THSD7B: variants seen among roughly 807,000 people sequenced by gnomAD.
The protein encoded by THSD7B is thrombospondin type 1 domain containing 7B.
In THSD7B, 138 loss-of-function variants were observed where a neutral mutation model predicts 213.6. The ratio of observed to expected loss-of-function variants is 0.65; its 90% confidence interval spans 0.56 to 0.74. The LOEUF is 0.74. THSD7B is among the 30% of genes least tolerant of loss of function. The pLI, the probability that THSD7B is intolerant of heterozygous loss-of-function variation, is 0.00. For synonymous variants in THSD7B, 742 were observed against 687.0 expected, an observed-to-expected ratio of 1.08 and a Z score of -1.25; for missense variants, 1,931 against 1,991.5, an observed-to-expected ratio of 0.97 and a Z score of 0.58.
At chr2:137,286,884 G>T (rs1413301615) in intron 12 of THSD7B, among the ~76,000 whole-genome samples, 1 of 152,118 alleles carries the variant, frequency 6.6e-6, no homozygotes, top group Non-Finnish European at 1.5e-5. Context: ...TTCTAAGAGG[G>T]CAAAGCCATT....
intron 2 of THSD7B, among the ~76,000 whole-genome samples, chr2:136,895,894 A>G (rs1030924382): frequency 6.6e-6 from 1 of 152,186 alleles, no homozygotes; most frequent in African/African-American, 2.4e-5. Flanking sequence ...CTTCTTTCAT[A>G]TCACATAATG....
At chr2:137,527,807 G>A (rs1477997629) in intron 15 of THSD7B, among the ~76,000 whole-genome samples, 1 of 152,036 alleles carries the variant, frequency 6.6e-6, no homozygotes, top group Admixed American at 6.6e-5. Flanking sequence ...GAATTTTGGA[G>A]GATATTAGGA....
intron 9 of THSD7B, among the ~76,000 whole-genome samples, chr2:137,235,646 G>GA (rs534226546): frequency 2.6e-5 from 4 of 152,002 alleles, no homozygotes; most frequent in Admixed American, 6.6e-5. Flanking sequence ...GAGGATTTGA[G>GA]AAAAAAATCA....
intron 7 of THSD7B, among the ~76,000 whole-genome samples, chr2:137,188,815 T>A (rs1308450342): frequency 1.3e-5 from 2 of 152,170 alleles, no homozygotes; most frequent in Non-Finnish European, 2.9e-5. Flanking sequence ...CCTGGGCACT[T>A]TAAGATATGT....
intron 7 of THSD7B, among the ~76,000 whole-genome samples, chr2:137,190,827 T>G (rs1439404453): frequency 6.6e-6 from 1 of 152,142 alleles, no homozygotes; most frequent in African/African-American, 2.4e-5. Context: ...TGTGGAGAGT[T>G]GATGGGGTGT....
At chr2:136,803,295 A>G (rs535356265) in intron 1 of THSD7B, among the ~76,000 whole-genome samples, 9 of 152,270 alleles carry the variant, frequency 5.9e-5, no homozygotes, top group African/African-American at 2.2e-4. Context: ...GAACCCCAAT[A>G]TAACTATTGT....
chr2:137,448,611 C>T (rs1433062296), intron 14 of THSD7B, among the ~76,000 whole-genome samples: 3 of 151,924 alleles, frequency 2.0e-5, no homozygotes, highest in African/African-American at 7.3e-5. Context: ...AGATTGACAC[C>T]ACGGTGAAAC....
chr2:137,160,110 A>G lies in THSD7B; in HGVS notation c.1370-103A>G, dbSNP rs191936094. 4 of 1,285,726 alleles carry G rather than the reference A, an allele frequency of 3.1e-6. No individual in the cohort carries two copies. In the East Asian group the frequency reaches 9.8e-5, roughly 31 times the overall value. 79.6% of individuals were successfully genotyped at this position (1,285,726 alleles called of 1,614,324 possible). On this transcript the variant is annotated intron_variant, in intron 5 of 27. Transcript: ENST00000409968. ...GTTTTCTTTGCATATGTTCTTTTTA[A>G]CTATAATGTTTTATTTGCAAGACAG...
chr2:137,324,420 A>T (rs1227627343), intron 12 of THSD7B, among the ~76,000 whole-genome samples: 2 of 152,078 alleles, frequency 1.3e-5, no homozygotes, highest in Admixed American at 6.6e-5. Flanking sequence ...GCCAATAATT[A>T]ATGACATTCA....
At chr2:137,222,565 C>T (rs1275021574) in intron 7 of THSD7B, among the ~76,000 whole-genome samples, 1 of 152,136 alleles carries the variant, frequency 6.6e-6, no homozygotes, top group Non-Finnish European at 1.5e-5. Flanking sequence ...TTGCAGTCTG[C>T]TTTTTTCCTG....
At chr2:137,550,596 T>A (rs904052133) in intron 15 of THSD7B, among the ~76,000 whole-genome samples, 1 of 152,076 alleles carries the variant, frequency 6.6e-6, no homozygotes, top group Non-Finnish European at 1.5e-5. Flanking sequence ...AAATATGTTG[T>A]GTAGTGGGAA....
chr2:137,468,827 G>C (rs189718776), intron 15 of THSD7B, among the ~76,000 whole-genome samples: 1 of 152,192 alleles, frequency 6.6e-6, no homozygotes, highest in East Asian at 1.9e-4. Context: ...ACATCAGTCA[G>C]AGCTAGAAAC....
intron 7 of THSD7B, among the ~76,000 whole-genome samples, chr2:137,227,517 C>T (rs1304792342): frequency 6.6e-6 from 1 of 152,058 alleles, no homozygotes; most frequent in East Asian, 1.9e-4. Context: ...TCCATGCTTG[C>T]CTGAGATTTC....
intron 16 of THSD7B, among the ~76,000 whole-genome samples, chr2:137,566,717 A>G (rs1381738456): frequency 1.3e-5 from 2 of 152,210 alleles, no homozygotes; most frequent in African/African-American, 4.8e-5. Flanking sequence ...ATAAAAATTC[A>G]GTCTGATTGG....
At chr2:137,219,426 G>A (rs1558962921) in intron 7 of THSD7B, among the ~76,000 whole-genome samples, 1 of 151,686 alleles carries the variant, frequency 6.6e-6, no homozygotes, top group East Asian at 1.9e-4. Context: ...ACAAGAACTG[G>A]CAATATCATG....
intron 3 of THSD7B, among the ~76,000 whole-genome samples, chr2:137,076,405 TCTC>T (rs1687623938): frequency 6.6e-6 from 1 of 152,196 alleles, no homozygotes; most frequent in Non-Finnish European, 1.5e-5. Flanking sequence ...AGGGATATAA[TCTC>T]CTGGTGTGCC....
intron 12 of THSD7B, among the ~76,000 whole-genome samples, chr2:137,351,965 T>G (rs1257835935): frequency 6.6e-6 from 1 of 151,952 alleles, no homozygotes; most frequent in Non-Finnish European, 1.5e-5. Context: ...TTTTGCAATT[T>G]TTTTTAGCTT....
intron 12 of THSD7B, among the ~76,000 whole-genome samples, chr2:137,347,768 A>G (rs1684909631): frequency 6.6e-6 from 1 of 151,410 alleles, no homozygotes; most frequent in Admixed American, 6.6e-5. Flanking sequence ...TTCAACTTCT[A>G]TGCTTAGGAT....
intron 12 of THSD7B, among the ~76,000 whole-genome samples, chr2:137,371,374 GAC>G (rs1330598373): frequency 6.6e-6 from 1 of 152,116 alleles, no homozygotes; most frequent in Non-Finnish European, 1.5e-5. Flanking sequence ...TTCTAAGTCG[GAC>G]ACAGTTTTCC....
Sources: gnomAD v4.1 joint callset for allele counts (sites outside exome capture counted in the v4.1 genomes callset) on GRCh38, gnomAD v4.1.1 for gene constraint, MANE v1.5 for transcripts, NCBI Gene and HGNC (gene_info 2026-07-23, HGNC 2026-07-21) for gene names.